The following MAP3K14 variants were observed in gnomAD, a reference collection of about 807,000 sequenced individuals.
The protein encoded by MAP3K14 is NF-kappa-beta-inducing kinase.
Under a neutral mutation model 99.2 loss-of-function variants are expected in MAP3K14, and 16 were observed. The ratio of observed to expected loss-of-function variants is 0.16; its 90% CI spans 0.11 to 0.24. The LOEUF is 0.24. Ranked by LOEUF, MAP3K14 falls within the 10% of genes least tolerant of loss-of-function variation. The probability of loss-of-function intolerance (pLI) is 1.00; values close to 1 mark genes in which losing one functional copy is unlikely to be tolerated. For missense variants in MAP3K14, 784 were observed against 1,208.7 expected (o/e 0.65, Z 5.21); for synonymous variants, 462 against 492.4 (o/e 0.94, Z 0.82).
chr17:45,312,891 A>G (rs1279381668), intron 1 of MAP3K14, among the ~76,000 whole-genome samples: 1 of 152,190 alleles, frequency 6.6e-6, no homozygotes, highest in Non-Finnish European at 1.5e-5. Context: ...TGTTCCCCCA[A>G]AGAACAAGTC....
At chr17:45,305,871 G>A (rs971467409) in intron 1 of MAP3K14, among the ~76,000 whole-genome samples, 3 of 152,184 alleles carry the variant, frequency 2.0e-5, no homozygotes, top group African/African-American at 4.8e-5. Flanking sequence ...CCATGAAGAT[G>A]TTCTTTGAAG....
At chr17:45,296,001 G>T (rs2044344105) in intron 1 of MAP3K14, among the ~76,000 whole-genome samples, 1 of 152,238 alleles carries the variant, frequency 6.6e-6, no homozygotes, top group Non-Finnish European at 1.5e-5. Context: ...TACAGGGCCA[G>T]CTTGAAAATG....
chr17:45,294,705 G>A (rs2044334909), intron 1 of MAP3K14, among the ~76,000 whole-genome samples: 1 of 152,172 alleles, frequency 6.6e-6, no homozygotes, highest in Admixed American at 6.5e-5. Flanking sequence ...CCAGTCACTG[G>A]GCATTAGGCC....
intron 6 of MAP3K14, among the ~76,000 whole-genome samples, chr17:45,278,224 A>G (rs2044194441): frequency 6.6e-6 from 1 of 152,122 alleles, no homozygotes; most frequent in Non-Finnish European, 1.5e-5. Context: ...TGCTAAAAAT[A>G]TTTCCAACCA....
chr17:45,271,871 C>T (rs2044145156), intron 9 of MAP3K14, among the ~76,000 whole-genome samples: 1 of 152,118 alleles, frequency 6.6e-6, no homozygotes, highest in Admixed American at 6.5e-5. Context: ...AGTAATACTT[C>T]TTACTAGTAA....
rs778751397 is a variant in MAP3K14, at chr17:45,289,223, C to T, written c.326+13G>A. The T allele has an allele frequency of 1.9e-6, 3 of 1,613,316 alleles. No homozygotes were observed. Among genetic ancestry groups the T allele is most frequent in the South Asian group, 2.2e-5 (2 of 91,052 alleles). ...TCCCCACCTTCCCACTCAGGCTTGT[C>T]TCCCCTGCTTACCTGTACTGTTTGG... On this transcript the variant is annotated intron_variant, in intron 3 of 15. Transcript: ENST00000344686.
At chr17:45,266,397 G>C in intron 14 of MAP3K14, 140 bp downstream of exon 14, 1 of 1,116,560 alleles carries the variant, frequency 9.0e-7, no homozygotes, top group South Asian at 1.6e-5. Flanking sequence ...TACTGGCCAG[G>C]AACCTCAAGT....
At chr17:45,274,282 T>A in intron 7 of MAP3K14, 28 bp from the exon 8 acceptor site, 1 of 1,593,966 alleles carries the variant, frequency 6.3e-7, no homozygotes, top group East Asian at 2.3e-5. Flanking sequence ...AGGCTATACA[T>A]GGGACTTGCC....
intron 1 of MAP3K14, among the ~76,000 whole-genome samples, chr17:45,314,261 C>T (rs1279016453): frequency 6.6e-6 from 1 of 152,214 alleles, no homozygotes; most frequent in African/African-American, 2.4e-5. Context: ...TGGGCTACTA[C>T]TTTCAGCATT....
At chr17:45,269,947 CGTG>C (rs2044129224) in intron 11 of MAP3K14, among the ~76,000 whole-genome samples, 1 of 152,158 alleles carries the variant, frequency 6.6e-6, no homozygotes, top group Non-Finnish European at 1.5e-5. Flanking sequence ...CAGGTAAACA[CGTG>C]GGCCTGAGAC....
chr17:45,310,791 G>A (rs921936672), intron 1 of MAP3K14, among the ~76,000 whole-genome samples: 1 of 152,184 alleles, frequency 6.6e-6, no homozygotes, highest in African/African-American at 2.4e-5. Flanking sequence ...GGCAACCTTT[G>A]AGACTTCCTG....
At chr17:45,270,990 C>T in intron 10 of MAP3K14, 68 bp downstream of exon 10, 3 of 1,557,076 alleles carry the variant, frequency 1.9e-6, no homozygotes, top group Non-Finnish European at 2.6e-6. Context: ...GCAGCCCCTC[C>T]AGCCTGCAGC....
intron 1 of MAP3K14, 195 bp from the exon 2 acceptor site, chr17:45,290,960 C>T (rs925395228): frequency 8.3e-5 from 47 of 564,062 alleles, no homozygotes; most frequent in African/African-American, 1.3e-4. Flanking sequence ...ACGTTCCACA[C>T]GGCACAGTCC....
At chr17:45,269,622 A>G (rs1598242856) in intron 11 of MAP3K14, among the ~76,000 whole-genome samples, 1 of 152,134 alleles carries the variant, frequency 6.6e-6, no homozygotes, top group African/African-American at 2.4e-5. Flanking sequence ...CGGTTCGCCA[A>G]TGGCCAGTGA....
intron 9 of MAP3K14, among the ~76,000 whole-genome samples, chr17:45,271,480 G>C (rs1164549201): frequency 6.6e-6 from 1 of 152,164 alleles, no homozygotes; most frequent in African/African-American, 2.4e-5. Flanking sequence ...CAAGTAGCTG[G>C]AATTACAGGC....
intron 1 of MAP3K14, among the ~76,000 whole-genome samples, chr17:45,303,867 C>T (rs9892134): frequency 0.025 from 3,780 of 151,798 alleles, 173 homozygotes; most frequent in African/African-American, 0.087. Context: ...CAGGCGTGAG[C>T]CACCGTGCCT....
chr17:45,315,833 C>A (rs1489870928), intron 1 of MAP3K14, among the ~76,000 whole-genome samples: 1 of 152,124 alleles, frequency 6.6e-6, no homozygotes, highest in Non-Finnish European at 1.5e-5. Context: ...TACCACACAG[C>A]CATCTGAAGG....
chr17:45,265,134 G>A lies in MAP3K14; in HGVS notation c.2679+29C>T, dbSNP rs200841258. ...CAGCTGCATTGGCTTCTGGGACTCT[G>A]CCCGTCAGAGTGTACCTGCCCCCCT... On this transcript the variant is annotated intron_variant, in intron 15 of 15. Transcript: ENST00000344686. 1.3e-3 allele frequency: 2,033 copies of A among 1,564,004 alleles called. 6 individuals carry two copies. The highest frequency in any genetic ancestry group is 1.6e-3 in the Non-Finnish European group (1,812 of 1,134,582).
intron 9 of MAP3K14, 37 bp downstream of exon 9, chr17:45,273,466 T>C: frequency 6.8e-7 from 1 of 1,470,164 alleles, no homozygotes; most frequent in Non-Finnish European, 9.4e-7. Flanking sequence ...GGCGAATGAA[T>C]GCATTGGGGG....
Sources: gnomAD v4.1 joint callset for allele counts (sites outside exome capture counted in the v4.1 genomes callset) on GRCh38, gnomAD v4.1.1 for gene constraint, MANE v1.5 for transcripts, NCBI Gene and HGNC (gene_info 2026-07-23, HGNC 2026-07-21) for gene names.